Variants in SNTG1 observed in about 807,000 individuals in gnomAD.
SNTG1 encodes gamma-1-syntrophin.
Under a neutral mutation model 74.7 loss-of-function variants are expected in SNTG1, and 39 were observed. The observed-to-expected ratio is 0.52, with a 90% CI of 0.40 to 0.68. The LOEUF is 0.68. Among genes scored for constraint, SNTG1 ranks in the 30% least tolerant of loss-of-function variants. The pLI, the probability that SNTG1 is intolerant of heterozygous loss-of-function variation, is 0.00. For synonymous variants in SNTG1, 254 were observed against 217.1 expected (o/e 1.17, Z -1.49); for missense variants, 685 against 609.5 (o/e 1.12, Z -1.30).
At chr8:50,738,895 C>T (rs1242824667) in intron 17 of SNTG1, among the ~76,000 whole-genome samples, 1 of 151,932 alleles carries the variant, frequency 6.6e-6, no homozygotes, top group African/African-American at 2.4e-5. Context: ...CTTTTTACAC[C>T]TTATACAAAA....
In SNTG1 at chr8:50,660,267, A is replaced by G. The variant is rs1207457997; in HGVS notation, c.1038+1604A>G. ...GAAGGAAAGAAGGAGGGAAGGAGAG[A>G]GAGAGAGAAAGAAGGAAAGAAGAAA... On this transcript the variant is annotated intron_variant, in intron 15 of 18. Coordinates refer to ENST00000642720, the MANE Select transcript of SNTG1 (RefSeq NM_018967.5). Among the ~76,000 whole-genome samples the G allele has an allele frequency of 4.7e-5, 7 of 150,302 alleles. No homozygotes were observed. In the East Asian group the frequency reaches 1.4e-3, roughly 29 times the overall value.
intron 1 of SNTG1, among the ~76,000 whole-genome samples, chr8:50,027,348 G>A (rs1039283156): frequency 1.3e-5 from 2 of 152,064 alleles, no homozygotes; most frequent in Middle Eastern, 3.2e-3. Flanking sequence ...ATCCAGACAC[G>A]TCCTATGCCA....
At chr8:50,420,827 C>T (rs1319382386) in intron 4 of SNTG1, among the ~76,000 whole-genome samples, 1 of 151,652 alleles carries the variant, frequency 6.6e-6, no homozygotes, top group Non-Finnish European at 1.5e-5. Context: ...GAGATCAAGA[C>T]CATCTTGGCC....
At chr8:50,470,809 T>C (rs1013031969) in intron 8 of SNTG1, among the ~76,000 whole-genome samples, 8 of 152,108 alleles carry the variant, frequency 5.3e-5, no homozygotes, top group Non-Finnish European at 1.2e-4. Flanking sequence ...GAACAAAGCT[T>C]CCACAGAATA....
intron 1 of SNTG1, among the ~76,000 whole-genome samples, chr8:49,961,263 C>T (rs1411703870): frequency 6.6e-6 from 1 of 152,182 alleles, no homozygotes; most frequent in Admixed American, 6.5e-5. Flanking sequence ...TGCAGCAATG[C>T]TACTAACATT....
intron 4 of SNTG1, among the ~76,000 whole-genome samples, chr8:50,418,809 C>G (rs922768039): frequency 1.3e-5 from 2 of 152,086 alleles, no homozygotes; most frequent in African/African-American, 2.4e-5. Context: ...ATCTTTCCAG[C>G]TGCATTAGGC....
At chr8:49,957,360 T>G (rs1316728681) in intron 1 of SNTG1, among the ~76,000 whole-genome samples, 1 of 152,246 alleles carries the variant, frequency 6.6e-6, no homozygotes, top group Non-Finnish European at 1.5e-5. Flanking sequence ...TCCAATGAAA[T>G]GAATTCATTT....
At chr8:49,944,583 T>TG (rs1808993063) in intron 1 of SNTG1, among the ~76,000 whole-genome samples, 1 of 50,762 alleles carries the variant, frequency 2.0e-5, no homozygotes, top group African/African-American at 8.4e-5. Flanking sequence ...TGTTGTGGGG[T>TG]GGGGGGAGGG....
chr8:50,003,195 G>C (rs1480199217), intron 1 of SNTG1, among the ~76,000 whole-genome samples: 1 of 152,102 alleles, frequency 6.6e-6, no homozygotes, highest in Non-Finnish European at 1.5e-5. Flanking sequence ...ACTTATGACT[G>C]TATTAAAAAC....
chr8:50,446,244 C>T (rs1486677732), intron 5 of SNTG1, among the ~76,000 whole-genome samples: 2 of 152,158 alleles, frequency 1.3e-5, no homozygotes, highest in Non-Finnish European at 2.9e-5. Context: ...ACATTTTCTC[C>T]AGTAATGAAG....
chr8:50,649,084 C>T (rs977137798), intron 13 of SNTG1, among the ~76,000 whole-genome samples: 3 of 152,170 alleles, frequency 2.0e-5, no homozygotes, highest in Admixed American at 2.0e-4. Flanking sequence ...CGTACTATAA[C>T]ACAGCATGTT....
In SNTG1 at chr8:50,569,512, A is replaced by G. The variant is rs567749111; in HGVS notation, c.810+16333A>G. On this transcript the variant is annotated intron_variant, in intron 12 of 18. Coordinates refer to ENST00000642720, the MANE Select transcript of SNTG1 (RefSeq NM_018967.5). ...CATAAAAGCGTTGGTTTTGAAAAGCAAAAAAAAAATCAAAAAACAAAAAAC... is the reference window on the plus strand; with the variant it reads ...CATAAAAGCGTTGGTTTTGAAAAGCGAAAAAAAAATCAAAAAACAAAAAAC... Among the ~76,000 whole-genome samples, 599 of 149,632 alleles carry G rather than the reference A, an allele frequency of 4.0e-3. 2 individuals carry two copies. The highest frequency in any genetic ancestry group is 0.014 in the African/African-American group (553 of 40,646).
chr8:50,298,430 C>T (rs898549367), intron 2 of SNTG1, among the ~76,000 whole-genome samples: 2 of 152,094 alleles, frequency 1.3e-5, no homozygotes, highest in Non-Finnish European at 2.9e-5. Flanking sequence ...GCCTTATTCC[C>T]TTTGTAAGCA....
At chr8:50,587,245 C>T (rs532586549) in intron 12 of SNTG1, among the ~76,000 whole-genome samples, 2 of 150,684 alleles carry the variant, frequency 1.3e-5, no homozygotes, top group Non-Finnish European at 3.0e-5. Flanking sequence ...TGTATGTATG[C>T]ATATATATGT....
chr8:50,230,332 G>A (rs2085551297), intron 2 of SNTG1, among the ~76,000 whole-genome samples: 1 of 150,822 alleles, frequency 6.6e-6, no homozygotes, highest in Non-Finnish European at 1.5e-5. Flanking sequence ...AGAAAACAGA[G>A]AAGACATAAA....
intron 1 of SNTG1, among the ~76,000 whole-genome samples, chr8:49,990,289 A>G (rs1813555821): frequency 6.6e-6 from 1 of 152,058 alleles, no homozygotes; most frequent in Admixed American, 6.5e-5. Flanking sequence ...AACAATTACA[A>G]CACCAACAAA....
At chr8:50,649,459 A>G (rs1007786603) in intron 13 of SNTG1, among the ~76,000 whole-genome samples, 1 of 152,134 alleles carries the variant, frequency 6.6e-6, no homozygotes, top group Non-Finnish European at 1.5e-5. Flanking sequence ...AGATTGTGCC[A>G]CTGGACTCCA....
intron 8 of SNTG1, among the ~76,000 whole-genome samples, chr8:50,471,985 C>A (rs1406250026): frequency 1.3e-5 from 2 of 152,012 alleles, no homozygotes; most frequent in Non-Finnish European, 2.9e-5. Flanking sequence ...TAGGATTAAA[C>A]TTAATGAAGG....
chr8:50,145,398 A>G (rs1294464757), intron 1 of SNTG1, among the ~76,000 whole-genome samples: 1 of 152,222 alleles, frequency 6.6e-6, no homozygotes, highest in Non-Finnish European at 1.5e-5. Flanking sequence ...ATATTTTAAT[A>G]TTTACTTTTA....
Sources: allele counts gnomAD v4.1 joint callset (sites outside exome capture counted in the v4.1 genomes callset), GRCh38; gene constraint gnomAD v4.1.1; transcripts MANE v1.5; gene names NCBI Gene and HGNC (gene_info 2026-07-23, HGNC 2026-07-21).